Variants in AMMECR1 observed in about 807,000 individuals in gnomAD.
AMMECR1 encodes nuclear protein AMMECR1.
A neutral mutation model predicts 22.5 loss-of-function variants in AMMECR1; 3 were observed. The observed-to-expected ratio is 0.13, with a 90% CI of 0.06 to 0.35. The LOEUF is 0.35. Ranked by LOEUF, AMMECR1 falls within the 10% of genes least tolerant of loss-of-function variation. The pLI, the probability that AMMECR1 is intolerant of heterozygous loss-of-function variation, is 1.00. For synonymous variants in AMMECR1, 130 were observed against 116.7 expected (o/e 1.11, Z -0.74); for missense variants, 235 against 278.7 (o/e 0.84, Z 1.12).
At chrX:110,303,076 G>A (rs776377771) in intron 1 of AMMECR1, among the ~76,000 whole-genome samples, 2 of 111,111 alleles carry the variant, frequency 1.8e-5, no homozygotes, top group Admixed American at 9.6e-5. Context: ...GTTAATGAAG[G>A]GTTATTATGA....
At chrX:110,347,224 T>C (rs1325135959) in intron 2 of AMMECR1, among the ~76,000 whole-genome samples, 1 of 113,690 alleles carries the variant, frequency 8.8e-6, no homozygotes, top group Non-Finnish European at 1.9e-5. Context: ...CTTACTATTG[T>C]TGGCTCCCAA....
chrX:110,282,070 C>CT (rs1342563872), intron 1 of AMMECR1, among the ~76,000 whole-genome samples: 2 of 111,803 alleles, frequency 1.8e-5, no homozygotes, highest in African/African-American at 6.5e-5. Flanking sequence ...GTAGTATAGT[C>CT]TAAGTATGGT....
At position 110,302,035 on chromosome X, in the gene AMMECR1, A is replaced by G. The variant is rs547491551; in HGVS notation, c.473+15564T>C. 6.2e-5 allele frequency among the ~76,000 whole-genome samples: 7 copies of G among 112,074 alleles called. No individual in the cohort carries two copies. In the South Asian group the frequency reaches 2.2e-3, roughly 36 times the overall value. ...CCTGTGCCATACTTCACTGAAAACC[A>G]TAAGCACATAGTCCTACCATCTTGA... On this transcript the variant is annotated intron_variant, in intron 1 of 5. Coordinates refer to ENST00000262844, the MANE Select transcript of AMMECR1 (RefSeq NM_015365.3).
intron 2 of AMMECR1, among the ~76,000 whole-genome samples, chrX:110,374,489 A>G (rs1210115773): frequency 1.8e-5 from 2 of 111,772 alleles, no homozygotes; most frequent in African/African-American, 3.2e-5. Flanking sequence ...CATCACCACT[A>G]TTGATTTCTA....
chrX:110,396,247 C>G (rs2068527432), intron 2 of AMMECR1, among the ~76,000 whole-genome samples: 1 of 111,032 alleles, frequency 9.0e-6, no homozygotes, highest in Non-Finnish European at 1.9e-5. Flanking sequence ...TTTTCAAACA[C>G]ATACACAAAA....
intron 2 of AMMECR1, among the ~76,000 whole-genome samples, chrX:110,354,743 A>G (rs981415646): frequency 1.8e-5 from 2 of 112,486 alleles, no homozygotes; most frequent in African/African-American, 6.5e-5. Context: ...AGACTATACA[A>G]TAGGGAAAGG....
At chrX:110,331,450 G>A (rs1206023457) in intron 2 of AMMECR1, among the ~76,000 whole-genome samples, 1 of 109,149 alleles carries the variant, frequency 9.2e-6, no homozygotes, top group Non-Finnish European at 1.9e-5. Flanking sequence ...TTTGGTTAAT[G>A]GCCTCTCTAT....
Position 110,317,791 on chromosome X carries a change from C to T in AMMECR1, c.281G>A (p.Gly94Glu). Residue 94 changes from glycine to glutamate, a missense_variant, in exon 1 of 6, where the codon GGG (glycine) becomes GAG (glutamate). By Grantham distance (98) the Gly-to-Glu change is moderately conservative. Coordinates refer to ENST00000262844, the MANE Select transcript of AMMECR1 (RefSeq NM_015365.3). ...ALSPPPSCGV[G>E]TLLSTPAAAT... ...GGCGGCCGGGGTAGAAAGTAGGGTC[C>T]CCACTCCGCAGCTCGGAGGTGGCGA... The T allele has an allele frequency of 4.3e-6, 5 of 1,170,017 alleles. No individual in the cohort carries two copies. The highest frequency in any genetic ancestry group is 5.7e-6 in the Non-Finnish European group (5 of 874,350).
chrX:110,355,483 A>G lies in AMMECR1; in HGVS notation c.-147-37634T>C, dbSNP rs187214288. ...GTTGTGAATTGCCAACAGATATGTG[A>G]AAAAAAATGCTCAACATCTATACTC... On this transcript the variant is annotated intron_variant, in intron 2 of 7. Transcript: ENST00000372057. 1.5e-4 allele frequency among the ~76,000 whole-genome samples: 17 copies of G among 111,981 alleles called. No homozygotes were observed. The East Asian group carries it at 4.2e-3, about 28-fold the overall frequency.
chrX:110,369,257 G>A (rs1052434589), intron 2 of AMMECR1, among the ~76,000 whole-genome samples: 7 of 111,146 alleles, frequency 6.3e-5, no homozygotes, highest in Non-Finnish European at 3.8e-5. Flanking sequence ...GCTTGAACCC[G>A]GGGGGTGGAG....
At chrX:110,379,659 T>C (rs761028560) in intron 2 of AMMECR1, among the ~76,000 whole-genome samples, 1 of 112,094 alleles carries the variant, frequency 8.9e-6, no homozygotes, top group South Asian at 3.7e-4. Flanking sequence ...CACACACACA[T>C]GCACATGCAC....
At position 110,222,534 on chromosome X, in the gene AMMECR1, C is replaced by G. The variant is rs1443025909; in HGVS notation, c.585-5902G>C. 4.6e-3 allele frequency among the ~76,000 whole-genome samples: 409 copies of G among 89,621 alleles called. 3 individuals are homozygous for G. The highest frequency in any genetic ancestry group is 0.017 in the African/African-American group (398 of 23,628). The allele number at this position is 89,621 out of a possible 115,157, so 77.8% of individuals were successfully genotyped here. A position where few individuals can be genotyped will look rare whatever the true frequency, so the allele number is the denominator to read the frequency against. ...GTGGGTGCAGTGCACCAGCATGGCA[C>G]ATGTATACATATGTAACTAACCTGC... is the stretch of plus-strand genomic sequence containing the variant. On this transcript the variant is annotated intron_variant, in intron 2 of 5. Coordinates refer to ENST00000262844, the MANE Select transcript of AMMECR1 (RefSeq NM_015365.3).
Position 110,272,369 on chromosome X carries a change from TAC to T in AMMECR1, c.474-7772_474-7771del, listed in dbSNP as rs2067803670. ...AAATTTTAGAATGAATATTAATTGA[TAC>T]AGTCAACTCCTATTTTTTATGCCAT... On this transcript the variant is annotated intron_variant, in intron 1 of 5. Transcript: ENST00000262844. Among the ~76,000 whole-genome samples the T allele has an allele frequency of 4.5e-5, 5 of 112,205 alleles. No homozygotes were observed. The South Asian group carries it at 1.9e-3, about 42-fold the overall frequency.
intron 2 of AMMECR1, among the ~76,000 whole-genome samples, chrX:110,251,364 T>C (rs750808539): frequency 1.3e-4 from 14 of 109,957 alleles, no homozygotes; most frequent in South Asian, 3.9e-4. Flanking sequence ...TAAGTAGGAG[T>C]TGACTGGGTG....
At chrX:110,413,923 T>C (rs1263962394) in intron 2 of AMMECR1, among the ~76,000 whole-genome samples, 7 of 111,833 alleles carry the variant, frequency 6.3e-5, no homozygotes, top group Admixed American at 1.9e-4. Context: ...ATCCTCACAA[T>C]AACTTTATGA....
intron 2 of AMMECR1, among the ~76,000 whole-genome samples, chrX:110,364,505 G>T (rs1444888975): frequency 9.0e-6 from 1 of 111,263 alleles, no homozygotes; most frequent in Non-Finnish European, 1.9e-5. Context: ...GTCTTTATTT[G>T]GTTTCCTAAG....
intron 2 of AMMECR1, among the ~76,000 whole-genome samples, chrX:110,426,066 C>T (rs1404892273): frequency 8.9e-6 from 1 of 111,999 alleles, no homozygotes; most frequent in Non-Finnish European, 1.9e-5. Context: ...AAAGCATTCT[C>T]TATTGTGGCT....
At chrX:110,325,200 A>C (rs2068093423) in intron 2 of AMMECR1, among the ~76,000 whole-genome samples, 1 of 111,863 alleles carries the variant, frequency 8.9e-6, no homozygotes, top group Non-Finnish European at 1.9e-5. Context: ...GTGTTTATGG[A>C]GTACATGAGA....
intron 2 of AMMECR1, among the ~76,000 whole-genome samples, chrX:110,344,526 G>A (rs1443409681): frequency 3.6e-5 from 4 of 111,289 alleles, no homozygotes; most frequent in African/African-American, 9.9e-5. Flanking sequence ...CTTCTGCACA[G>A]CAAAAGAAAC....
Sources: allele counts gnomAD v4.1 joint callset (sites outside exome capture counted in the v4.1 genomes callset), GRCh38; gene constraint gnomAD v4.1.1; transcripts MANE v1.5; gene names NCBI Gene and HGNC (gene_info 2026-07-23, HGNC 2026-07-21).